INPP4B: variants seen among roughly 807,000 people sequenced by gnomAD.
INPP4B encodes inositol polyphosphate-4-phosphatase type II B.
INPP4B carries 55 observed loss-of-function variants against 122.5 expected under a neutral mutation model. That is an observed-to-expected ratio of 0.45 (90% CI 0.36 to 0.56). INPP4B has a LOEUF of 0.56. Ranked by LOEUF, INPP4B falls within the 20% of genes least tolerant of loss-of-function variation. INPP4B has a pLI of 0.00. For missense variants in INPP4B, 1,000 were observed against 1,097.7 expected, an observed-to-expected ratio of 0.91 and a Z score of 1.26; for synonymous variants, 403 against 388.7, an observed-to-expected ratio of 1.04 and a Z score of -0.43.
At chr4:142,710,637 A>T (rs1763004335) in intron 2 of INPP4B, among the ~76,000 whole-genome samples, 1 of 152,222 alleles carries the variant, frequency 6.6e-6, no homozygotes, top group African/African-American at 2.4e-5. Flanking sequence ...TGTGTCTACC[A>T]AGCTTCATGA....
chr4:142,761,293 C>A (rs1384946171), intron 1 of INPP4B, among the ~76,000 whole-genome samples: 2 of 151,940 alleles, frequency 1.3e-5, no homozygotes, highest in Non-Finnish European at 2.9e-5. Context: ...AGTCCTTCTG[C>A]AAGTTGGAAA....
chr4:142,230,660 A>AAAAAG (rs1561549821), intron 12 of INPP4B, among the ~76,000 whole-genome samples: 25 of 149,214 alleles, frequency 1.7e-4, no homozygotes, highest in East Asian at 1.4e-3. Flanking sequence ...AAAAAAAAAA[A>AAAAAG]AAAAGAAAAG....
At chr4:142,701,235 G>A (rs1362927108) in intron 2 of INPP4B, among the ~76,000 whole-genome samples, 15 of 152,252 alleles carry the variant, frequency 9.9e-5, no homozygotes, top group Admixed American at 3.9e-4. Context: ...CCAAAGAGGA[G>A]AGGATATCCC....
intron 10 of INPP4B, among the ~76,000 whole-genome samples, chr4:142,269,068 T>C (rs1282648639): frequency 1.3e-5 from 2 of 152,178 alleles, no homozygotes; most frequent in African/African-American, 4.8e-5. Flanking sequence ...ACAGCTTATA[T>C]GTCCACAGGG....
At chr4:142,745,494 T>A (rs1244032625) in intron 1 of INPP4B, among the ~76,000 whole-genome samples, 1 of 151,912 alleles carries the variant, frequency 6.6e-6, no homozygotes, top group Non-Finnish European at 1.5e-5. Flanking sequence ...TATGCTACAA[T>A]GGCAGAATTC....
chr4:142,198,788 A>T (rs896091399), intron 14 of INPP4B, among the ~76,000 whole-genome samples: 1 of 152,090 alleles, frequency 6.6e-6, no homozygotes, highest in Non-Finnish European at 1.5e-5. Flanking sequence ...AAGATGTCAG[A>T]ATATAGAAAG....
chr4:142,364,016 G>A (rs1330505416), intron 7 of INPP4B, among the ~76,000 whole-genome samples: 2 of 121,696 alleles, frequency 1.6e-5, no homozygotes, highest in Non-Finnish European at 3.4e-5. Flanking sequence ...CAGAAGATGG[G>A]AGAGTGAGGG....
At chr4:142,411,391 C>A (rs953722425) in intron 5 of INPP4B, among the ~76,000 whole-genome samples, 2 of 152,150 alleles carry the variant, frequency 1.3e-5, no homozygotes, top group Non-Finnish European at 2.9e-5. Context: ...AATAAAGCTT[C>A]TTTTTCTTGC....
chr4:142,748,361 G>A (rs914229262), intron 1 of INPP4B, among the ~76,000 whole-genome samples: 1 of 151,638 alleles, frequency 6.6e-6, no homozygotes, highest in Non-Finnish European at 1.5e-5. Context: ...CCCAAAGTAA[G>A]GAAAAGAAAA....
chr4:142,199,581 C>T lies in INPP4B; in HGVS notation c.1073-6386G>A, dbSNP rs537333618. On this transcript the variant is annotated intron_variant, in intron 14 of 25. Transcript: ENST00000262992. The stretch of plus-strand genomic sequence containing the variant: ...GTTTTTCCACTCACACATTTTTTCT[C>T]TTCTAGGATCCTGCCTTCCATTCAA... Among the ~76,000 whole-genome samples, 5 of 152,076 alleles carry T rather than the reference C, an allele frequency of 3.3e-5. 1 individual carries two copies. In the South Asian group the frequency reaches 1.0e-3, roughly 31 times the overall value.
At chr4:142,412,405 T>C (rs774436161) in intron 5 of INPP4B, among the ~76,000 whole-genome samples, 7 of 152,164 alleles carry the variant, frequency 4.6e-5, no homozygotes, top group Non-Finnish European at 8.8e-5. Flanking sequence ...GCCTAGGATG[T>C]CAACCTCTCC....
intron 15 of INPP4B, among the ~76,000 whole-genome samples, chr4:142,188,623 G>T (rs1011131811): frequency 4.0e-5 from 6 of 150,316 alleles, no homozygotes; most frequent in African/African-American, 7.3e-5. Context: ...GGTCTAAGTG[G>T]AGTCTAGGGA....
chr4:142,663,160 T>C (rs1175555684), intron 2 of INPP4B, among the ~76,000 whole-genome samples: 1 of 152,236 alleles, frequency 6.6e-6, no homozygotes. Context: ...ATGGGTGTTT[T>C]TCTAGATCAG....
At chr4:142,391,060 G>A (rs1797508943) in intron 7 of INPP4B, among the ~76,000 whole-genome samples, 1 of 152,070 alleles carries the variant, frequency 6.6e-6, no homozygotes, top group South Asian at 2.1e-4. Flanking sequence ...AACCCAAGTA[G>A]AACAAAAATT....
intron 2 of INPP4B, among the ~76,000 whole-genome samples, chr4:142,649,846 A>C (rs1403529086): frequency 6.6e-6 from 1 of 152,234 alleles, no homozygotes; most frequent in East Asian, 1.9e-4. Flanking sequence ...CCAACATTCA[A>C]ATTCAGAAAA....
At chr4:142,337,631 A>G (rs1175672922) in intron 7 of INPP4B, among the ~76,000 whole-genome samples, 1 of 144,608 alleles carries the variant, frequency 6.9e-6, no homozygotes, top group East Asian at 2.0e-4. Flanking sequence ...TTTTTTTCCT[A>G]TAGTTATTTA....
At chr4:142,244,614 C>T (rs1028414334) in intron 11 of INPP4B, among the ~76,000 whole-genome samples, 1 of 151,762 alleles carries the variant, frequency 6.6e-6, no homozygotes, top group Non-Finnish European at 1.5e-5. Flanking sequence ...ACATTTTCTT[C>T]ATCCAGTCTA....
At chr4:142,729,201 T>A (rs576711091) in intron 1 of INPP4B, among the ~76,000 whole-genome samples, 19 of 152,290 alleles carry the variant, frequency 1.2e-4, no homozygotes, top group African/African-American at 4.6e-4. Context: ...CAGGCAGTAA[T>A]GCTTGCTTGT....
rs113703882 is a variant in INPP4B, at chr4:142,821,667, C to T, written c.-254+24542G>A. The stretch of plus-strand genomic sequence containing the variant: ...TGTATTCAACAATAAACAAATAGAA[C>T]GATATCTTTTTTACTTTTCTCAGTT... On this transcript the variant is annotated intron_variant, in intron 1 of 25. Transcript: ENST00000262992. Among the ~76,000 whole-genome samples, 1,270 of 152,036 alleles carry T rather than the reference C, an allele frequency of 8.4e-3. 12 individuals carry two copies. Among genetic ancestry groups the T allele is most frequent in the African/African-American group, 0.024 (984 of 41,484 alleles).
Sources: allele counts gnomAD v4.1 joint callset (sites outside exome capture counted in the v4.1 genomes callset), GRCh38; gene constraint gnomAD v4.1.1; transcripts MANE v1.5; gene names NCBI Gene and HGNC (gene_info 2026-07-23, HGNC 2026-07-21).